Variants in PSD4 observed in about 807,000 individuals in gnomAD.
PSD4 encodes PH and SEC7 domain-containing protein 4.
In PSD4, 59 loss-of-function variants were observed where a neutral mutation model predicts 112.5. That is an observed-to-expected ratio of 0.52 (90% confidence interval 0.43 to 0.65). The LOEUF is 0.65. Ranked by LOEUF, PSD4 falls within the 30% of genes least tolerant of loss-of-function variation. The pLI is 0.00. For missense variants in PSD4, 1,267 were observed against 1,352.6 expected (o/e 0.94, Z 0.99); for synonymous variants, 533 against 540.0 (o/e 0.99, Z 0.18).
intron 1 of PSD4, among the ~76,000 whole-genome samples, chr2:113,179,432 G>A (rs907901828): frequency 1.3e-5 from 2 of 152,200 alleles, no homozygotes; most frequent in Admixed American, 6.5e-5. Context: ...AATGGAAAGG[G>A]ATTCCAATCC....
rs1464130063 is a variant in PSD4 at position 113,201,390 on chromosome 2, C to T, written c.3146C>T (p.Pro1049Leu). The T allele has an allele frequency of 6.2e-7, 1 of 1,614,070 alleles. No homozygotes were observed. The highest frequency in any genetic ancestry group is 1.7e-5 in the Admixed American group (1 of 60,030). The change falls in exon 17 of 17, where the codon CCT becomes CTT. Residue 1049 changes from proline to leucine, a missense_variant. This residue lies in a region of PSD4 where 544 missense variants were observed against 648.6 expected (regional missense o/e 0.84). Coordinates refer to ENST00000245796, the MANE Select transcript of PSD4 (RefSeq NM_012455.3). ...CGCAGAACCTACCGGAAGATCATCC[C>T]TAAGCGGAACCGCAATCAGCTGTGA... is the stretch of plus-strand genomic sequence containing the variant. The part of the protein sequence containing the change: ...SERRTYRKII[P>L]KRNRNQL
chr2:113,184,303 T>C (rs1242577373), intron 2 of PSD4, among the ~76,000 whole-genome samples: 2 of 151,906 alleles, frequency 1.3e-5, no homozygotes, highest in Non-Finnish European at 2.9e-5. Context: ...GGGAGTCCTC[T>C]CCACCATGGG....
chr2:113,190,436 T>TATG (rs1383739403), intron 5 of PSD4, among the ~76,000 whole-genome samples: 1 of 152,092 alleles, frequency 6.6e-6, no homozygotes, highest in Non-Finnish European at 1.5e-5. Flanking sequence ...AAACAGCTGT[T>TATG]ATTATTATTA....
intron 5 of PSD4, among the ~76,000 whole-genome samples, chr2:113,187,743 A>G (rs1688338178): frequency 6.6e-6 from 1 of 152,244 alleles, no homozygotes; most frequent in Non-Finnish European, 1.5e-5. Flanking sequence ...AGGAGTCATC[A>G]TAATATGAAA....
chr2:113,189,865 GT>G (rs147801489), intron 5 of PSD4, among the ~76,000 whole-genome samples: 1 of 152,012 alleles, frequency 6.6e-6, no homozygotes, highest in Non-Finnish European at 1.5e-5. Flanking sequence ...GGGATTATTT[GT>G]TTTTTTCTTG....
chr2:113,176,344 C>T (rs983657816), intron 1 of PSD4, among the ~76,000 whole-genome samples: 1 of 152,186 alleles, frequency 6.6e-6, no homozygotes, highest in Non-Finnish European at 1.5e-5. Context: ...AGTCCCTCAG[C>T]CATTGCTTTC....
intron 16 of PSD4, 117 bp from the exon 17 acceptor site, chr2:113,201,041 C>A: frequency 7.2e-7 from 1 of 1,384,084 alleles, no homozygotes; most frequent in Non-Finnish European, 9.9e-7. Context: ...AGCCCTCTTT[C>A]TGTCGAGGTC....
At chr2:113,198,490 T>A in intron 14 of PSD4, 1 of 410,872 alleles carries the variant, frequency 2.4e-6, no homozygotes, top group African/African-American at 2.1e-5. Flanking sequence ...CAGGCTGGTC[T>A]CGAACTCCTG....
Position 113,193,142 on chromosome 2 carries a change from G to A in PSD4, c.1919+14G>A, listed in dbSNP as rs1573370215. 6.2e-7 allele frequency: 1 copy of A among 1,612,602 alleles called. No individual in the cohort carries two copies. Among genetic ancestry groups the A allele is most frequent in the South Asian group, 1.1e-5 (1 of 91,032 alleles). Reference sequence around the variant, plus strand: ...CCGAGCCCTCCGGTAATGTCTTTGGGCCCTCTCTGGGGAGGCTGTGGAGGA... The same window carrying A: ...CCGAGCCCTCCGGTAATGTCTTTGGACCCTCTCTGGGGAGGCTGTGGAGGA... On this transcript the variant is annotated intron_variant, in intron 7 of 16. Coordinates refer to ENST00000245796, the MANE Select transcript of PSD4 (RefSeq NM_012455.3).
In PSD4 at chr2:113,205,809, A is replaced by G. The variant is rs1181398332; in HGVS notation, c.*4394A>G. On this transcript the variant is annotated 3_prime_UTR_variant, in exon 17 of 17. Transcript: ENST00000245796. ...AACCTTGTGAAAACCTGGCCGTAGC[A>G]GGTCCTTTTTCCTCCTGCTGAGCTG... 1 of 152,246 alleles carries G rather than the reference A, an allele frequency of 6.6e-6. No individual in the cohort carries two copies. The highest frequency in any genetic ancestry group is 1.5e-5 in the Non-Finnish European group (1 of 68,040). 9.4% of individuals were successfully genotyped at this position (152,246 alleles called of 1,614,324 possible). A position where few individuals can be genotyped will look rare whatever the true frequency, so the allele number is the denominator to read the frequency against.
intron 5 of PSD4, among the ~76,000 whole-genome samples, 162 bp from the exon 6 acceptor site, chr2:113,192,218 C>T (rs1688461897): frequency 1.3e-5 from 2 of 152,020 alleles, no homozygotes; most frequent in South Asian, 4.2e-4. Context: ...TGGTCCCAGG[C>T]CAGGCTAAGT....
chr2:113,199,325 G>C, intron 16 of PSD4, 99 bp downstream of exon 16: 5 of 1,269,850 alleles, frequency 3.9e-6, no homozygotes, highest in East Asian at 3.2e-5. Context: ...TGACCGCGCC[G>C]GGGCGGGGAG....
intron 9 of PSD4, 97 bp downstream of exon 9, chr2:113,193,747 CT>C: frequency 1.3e-6 from 2 of 1,558,490 alleles, no homozygotes; most frequent in Non-Finnish European, 1.8e-6. Context: ...GGGAACACCC[CT>C]GAGGGATGTG....
rs1688834010 is a variant in PSD4, at chr2:113,204,263, C to G, written c.*2848C>G. The G allele has an allele frequency of 6.6e-6, 1 of 152,288 alleles. No homozygotes were observed. The highest frequency in any genetic ancestry group is 2.4e-5 in the African/African-American group (1 of 41,470). The allele number at this position is 152,288 out of a possible 1,614,324, so 9.4% of individuals were successfully genotyped here. On this transcript the variant is annotated 3_prime_UTR_variant, in exon 17 of 17. Transcript: ENST00000245796. The stretch of plus-strand genomic sequence containing the variant: ...TGGCCTGGGCCAGGACTCCCACCAT[C>G]TAGGGAAGCCTCTCCTAGGGAAAAG...
chr2:113,186,347 G>T, intron 5 of PSD4, 92 bp downstream of exon 5: 1 of 1,323,808 alleles, frequency 7.6e-7, no homozygotes, highest in South Asian at 1.4e-5. Context: ...ATGCACATTG[G>T]AATTAAACAT....
chr2:113,202,160 T>C lies in PSD4; in HGVS notation c.*745T>C, dbSNP rs1390368380. Reference sequence around the variant, plus strand: ...CTGCTCATCAACAGAGCAGAGCTGATGGCATGAGTGAGGGCTGGGCGGGGT... The same window carrying C: ...CTGCTCATCAACAGAGCAGAGCTGACGGCATGAGTGAGGGCTGGGCGGGGT... On this transcript the variant is annotated 3_prime_UTR_variant, in exon 17 of 17. Coordinates refer to ENST00000245796, the MANE Select transcript of PSD4 (RefSeq NM_012455.3). 7.6e-6 allele frequency: 1 copy of C among 131,042 alleles called. No homozygotes were observed. 8.1% of individuals were successfully genotyped at this position (131,042 alleles called of 1,614,324 possible). A position where few individuals can be genotyped will look rare whatever the true frequency, so the allele number is the denominator to read the frequency against.
chr2:113,200,757 G>A (rs898947608), intron 16 of PSD4, among the ~76,000 whole-genome samples: 1 of 152,204 alleles, frequency 6.6e-6, no homozygotes, highest in Non-Finnish European at 1.5e-5. Context: ...ATGCTCCACA[G>A]ATGCCAATTG....
At chr2:113,198,657 G>C in intron 14 of PSD4, 83 bp from the exon 15 acceptor site, 2 of 1,456,360 alleles carry the variant, frequency 1.4e-6, no homozygotes, top group Non-Finnish European at 1.8e-6. Context: ...GGCCAGCTGT[G>C]CAAGCAGCCA....
intron 1 of PSD4, among the ~76,000 whole-genome samples, chr2:113,174,923 C>A (rs1687927138): frequency 6.6e-6 from 1 of 152,198 alleles, no homozygotes; most frequent in Non-Finnish European, 1.5e-5. Flanking sequence ...ATGATAAATA[C>A]TCCTCCGTTC....
Sources: allele counts gnomAD v4.1 joint callset (sites outside exome capture counted in the v4.1 genomes callset), GRCh38; gene constraint gnomAD v4.1.1; regional missense constraint gnomAD v4.1.1; transcripts MANE v1.5; gene names NCBI Gene and HGNC (gene_info 2026-07-23, HGNC 2026-07-21).